The following TBC1D8 variants were observed in gnomAD, a reference collection of about 807,000 sequenced individuals.
The protein encoded by TBC1D8 is TBC1 domain family member 8.
A neutral mutation model predicts 118.8 loss-of-function variants in TBC1D8; 65 were observed. The observed-to-expected ratio is 0.55, with a 90% CI of 0.45 to 0.67. The LOEUF is 0.67. Ranked by LOEUF, TBC1D8 falls within the 30% of genes least tolerant of loss-of-function variation. TBC1D8 has a pLI of 0.00. For missense variants in TBC1D8, 1,376 were observed against 1,471.2 expected (o/e 0.94, Z 1.06); for synonymous variants, 566 against 595.8 (o/e 0.95, Z 0.73).
At chr2:101,113,389 TAA>T (rs60168240) in intron 1 of TBC1D8, among the ~76,000 whole-genome samples, 11 of 146,114 alleles carry the variant, frequency 7.5e-5, no homozygotes, top group Admixed American at 2.0e-4. Context: ...AATTGGAAGT[TAA>T]AAAAAAAAAA....
At chr2:101,053,463 T>C (rs1247311576) in intron 4 of TBC1D8, among the ~76,000 whole-genome samples, 1 of 152,118 alleles carries the variant, frequency 6.6e-6, no homozygotes, top group African/African-American at 2.4e-5. Context: ...AATCACACAC[T>C]CACATATGCA....
intron 5 of TBC1D8, among the ~76,000 whole-genome samples, chr2:101,045,161 A>T (rs768732435): frequency 1.1e-4 from 16 of 152,218 alleles, no homozygotes; most frequent in Non-Finnish European, 1.6e-4. Flanking sequence ...TATGTGCAAT[A>T]ATGCAAGACA....
chr2:101,013,359 A>G (rs184482188), intron 17 of TBC1D8, among the ~76,000 whole-genome samples: 68 of 152,342 alleles, frequency 4.5e-4, no homozygotes, highest in African/African-American at 1.6e-3. Context: ...AATCCTTTCA[A>G]TCTTTTTACA....
Position 101,036,121 on chromosome 2 carries a change from T to C in TBC1D8, c.1500A>G (p.Glu500=). The change falls in exon 9 of 20, where the codon GAA becomes GAG. Residue 500 remains glutamate, a synonymous_variant. Coordinates refer to ENST00000409318, the MANE Select transcript of TBC1D8 (RefSeq NM_001330348.2). ...GAAACATACACACGGTTCTGCCGTA[T>C]TCCACAAAGTGGTCATTCCACAGGC... ...KISLWNDHFV[E]YGRTVCMFRT... 6.2e-7 allele frequency: 1 copy of C among 1,614,018 alleles called. No individual in the cohort carries two copies.
chr2:101,086,765 A>T (rs111752696), intron 2 of TBC1D8, among the ~76,000 whole-genome samples: 2,389 of 152,230 alleles, frequency 0.016, 59 homozygotes, highest in African/African-American at 0.054. Flanking sequence ...TGATAAGCTT[A>T]AAAAAATCGC....
intron 1 of TBC1D8, among the ~76,000 whole-genome samples, chr2:101,108,026 A>G (rs1574047697): frequency 6.9e-6 from 1 of 144,626 alleles, no homozygotes; most frequent in East Asian, 2.2e-4. Context: ...ACTGCATTCG[A>G]GCCTGGGCAA....
intron 10 of TBC1D8, chr2:101,032,608 C>T: frequency 2.1e-6 from 1 of 485,768 alleles, no homozygotes. Flanking sequence ...CAGCTCCGGT[C>T]CCCATCTAGC....
In TBC1D8 at chr2:101,017,864, C is replaced by CA. The variant is rs1162825599; in HGVS notation, c.2827+3816dup. The CA allele has an allele frequency of 7.7e-6, 12 of 1,550,680 alleles. No individual in the cohort carries two copies. The South Asian group carries it at 1.4e-4, about 18-fold the overall frequency. ...TACATGCAATTCCCAATTAGGTCTT[C>CA]AAAACGATGATCTCTTCAAAACAGA... On this transcript the variant is annotated intron_variant, in intron 17 of 19. Coordinates refer to ENST00000409318, the MANE Select transcript of TBC1D8 (RefSeq NM_001330348.2).
rs1034893934 is a variant in TBC1D8 at position 101,037,491 on chromosome 2, C to T, written c.1452+41G>A. 3 of 1,600,928 alleles carry T rather than the reference C, an allele frequency of 1.9e-6. No individual in the cohort carries two copies. In the South Asian group the frequency reaches 3.3e-5, roughly 18 times the overall value. On this transcript the variant is annotated intron_variant, in intron 8 of 19. Coordinates refer to ENST00000409318, the MANE Select transcript of TBC1D8 (RefSeq NM_001330348.2). ...CTGGGCAACCCCCCCAAGCCCACGG[C>T]TCAGCTTTGTGGTCCAGCTTGGGCA...
chr2:101,012,492 A>G (rs1462404097), intron 17 of TBC1D8, among the ~76,000 whole-genome samples: 1 of 152,220 alleles, frequency 6.6e-6, no homozygotes, highest in Non-Finnish European at 1.5e-5. Flanking sequence ...GCAAATCTAC[A>G]GAAACAGAAA....
Position 101,008,177 on chromosome 2 carries a change from G to T in TBC1D8, c.3112C>A (p.Leu1038Met). 6.2e-7 allele frequency: 1 copy of T among 1,613,598 alleles called. No homozygotes were observed. The highest frequency in any genetic ancestry group is 2.2e-5 in the East Asian group (1 of 44,880). ...CCCACCTCCCCGATCTGCAGCAGCAGTGTGGTGACTGTGGCGATGGCTTGA... is the reference window on the plus strand; with the variant it reads ...CCCACCTCCCCGATCTGCAGCAGCATTGTGGTGACTGTGGCGATGGCTTGA... ...LYQAIATVTTLLLQIGEVGQR... is the reference protein window; with the variant it reads ...LYQAIATVTTMLLQIGEVGQR... Residue 1038 changes from leucine to methionine, a missense_variant, in exon 20 of 20, where the codon CTG (leucine) becomes ATG (methionine). Physicochemically the swap from Leu to Met is conservative, Grantham distance 15. Coordinates refer to ENST00000409318, the MANE Select transcript of TBC1D8 (RefSeq NM_001330348.2).
At chr2:101,089,984 AG>A (rs1383815112) in intron 2 of TBC1D8, among the ~76,000 whole-genome samples, 1 of 143,280 alleles carries the variant, frequency 7.0e-6, no homozygotes, top group African/African-American at 2.6e-5. Context: ...AGGGGCAGAA[AG>A]GAGAGGAGAG....
intron 2 of TBC1D8, among the ~76,000 whole-genome samples, chr2:101,070,681 G>A (rs1011808937): frequency 1.3e-5 from 2 of 152,158 alleles, no homozygotes; most frequent in Non-Finnish European, 2.9e-5. Context: ...CCAAAGTGCT[G>A]GGATTACAGG....
At chr2:101,037,477 C>T in intron 8 of TBC1D8, 55 bp downstream of exon 8, 2 of 1,584,620 alleles carry the variant, frequency 1.3e-6, no homozygotes, top group Non-Finnish European at 8.6e-7. Context: ...TGGGCAACCC[C>T]CCCAAGCCCA....
intron 1 of TBC1D8, chr2:101,109,729 G>A: frequency 1.1e-6 from 1 of 928,538 alleles, no homozygotes; most frequent in Non-Finnish European, 1.3e-6. Context: ...GATGATGCCG[G>A]GCCTCCCCAG....
intron 2 of TBC1D8, among the ~76,000 whole-genome samples, chr2:101,076,904 G>T (rs1389603864): frequency 1.3e-5 from 2 of 152,234 alleles, no homozygotes; most frequent in Non-Finnish European, 2.9e-5. Context: ...GCAGAAGCAT[G>T]GCAACTTCTG....
In TBC1D8 at chr2:101,060,015, C is replaced by T. The variant is rs1352638500; in HGVS notation, c.284-476G>A. Among the ~76,000 whole-genome samples the T allele has an allele frequency of 2.0e-5, 3 of 152,222 alleles. No homozygotes were observed. The East Asian group carries it at 5.8e-4, about 29-fold the overall frequency. ...AAAAGGAAGGCACCCCCATAGGGGC[C>T]GTGGTGCTCCTCCCTGCAGGACTGG... is the stretch of plus-strand genomic sequence containing the variant. On this transcript the variant is annotated intron_variant, in intron 2 of 19. Transcript: ENST00000409318.
intron 1 of TBC1D8, among the ~76,000 whole-genome samples, chr2:101,150,425 G>C (rs1282826688): frequency 2.0e-5 from 3 of 152,018 alleles, no homozygotes; most frequent in Non-Finnish European, 1.5e-5. Context: ...CTGCAAGTTG[G>C]CGTCAATTTC....
intron 7 of TBC1D8, 75 bp downstream of exon 7, chr2:101,038,386 C>T (rs1681162464): frequency 6.7e-7 from 1 of 1,503,454 alleles, no homozygotes; most frequent in African/African-American, 1.4e-5. Flanking sequence ...ATGGCTCTCC[C>T]CATGTGTACT....
Sources: gnomAD v4.1 joint callset for allele counts (sites outside exome capture counted in the v4.1 genomes callset) on GRCh38, gnomAD v4.1.1 for gene constraint, MANE v1.5 for transcripts, NCBI Gene and HGNC (gene_info 2026-07-23, HGNC 2026-07-21) for gene names.